Variants in VTI1A observed in about 807,000 individuals in gnomAD.
VTI1A encodes the protein vesicle transport through interaction with t-SNAREs 1A, also known as vesicle transport through interaction with t-SNAREs homolog 1A.
VTI1A carries 22 observed loss-of-function variants against 34.9 expected under a neutral mutation model. The ratio of observed to expected loss-of-function variants is 0.63; its 90% confidence interval spans 0.45 to 0.90. VTI1A has a LOEUF of 0.90. Ranked by LOEUF, VTI1A falls within the 40% of genes least tolerant of loss-of-function variation. The pLI is 0.00. For synonymous variants in VTI1A, 87 were observed against 97.3 expected (o/e 0.89, Z 0.62); for missense variants, 268 against 275.6 (o/e 0.97, Z 0.20).
At chr10:112,567,393 T>C (rs548664274) in intron 5 of VTI1A, among the ~76,000 whole-genome samples, 9 of 152,340 alleles carry the variant, frequency 5.9e-5, no homozygotes, top group African/African-American at 2.2e-4. Context: ...ATAAAGTGAA[T>C]GACAGTTCTT....
At chr10:112,715,568 T>C (rs1474842553) in intron 7 of VTI1A, among the ~76,000 whole-genome samples, 1 of 152,096 alleles carries the variant, frequency 6.6e-6, no homozygotes, top group Non-Finnish European at 1.5e-5. Flanking sequence ...TTCATAAAAA[T>C]ACTGTTTTTC....
At chr10:112,782,022 A>T (rs1049887011) in intron 7 of VTI1A, among the ~76,000 whole-genome samples, 1 of 152,174 alleles carries the variant, frequency 6.6e-6, no homozygotes, top group Non-Finnish European at 1.5e-5. Context: ...TTCGACTGAC[A>T]CAAGTCCCCT....
At chr10:112,598,006 T>C (rs929348959) in intron 5 of VTI1A, among the ~76,000 whole-genome samples, 2 of 152,196 alleles carry the variant, frequency 1.3e-5, no homozygotes, top group Non-Finnish European at 2.9e-5. Flanking sequence ...CAAGAGACCT[T>C]GTCTCTTAAG....
At chr10:112,751,781 A>G (rs1216259379) in intron 7 of VTI1A, among the ~76,000 whole-genome samples, 1 of 152,244 alleles carries the variant, frequency 6.6e-6, no homozygotes, top group Non-Finnish European at 1.5e-5. Context: ...GAAAGGGTCA[A>G]TTTAATGTCG....
intron 2 of VTI1A, among the ~76,000 whole-genome samples, chr10:112,464,133 G>A (rs1251840576): frequency 6.6e-6 from 1 of 152,068 alleles, no homozygotes; most frequent in African/African-American, 2.4e-5. Flanking sequence ...TGAGTAGCTG[G>A]GATTACAGGT....
At chr10:112,808,227 A>C (rs1853155203) in intron 7 of VTI1A, among the ~76,000 whole-genome samples, 1 of 151,922 alleles carries the variant, frequency 6.6e-6, no homozygotes, top group Non-Finnish European at 1.5e-5. Context: ...CTTAAAAATA[A>C]AAAATAAAAA....
intron 5 of VTI1A, among the ~76,000 whole-genome samples, chr10:112,546,759 A>G (rs1280148062): frequency 1.3e-5 from 2 of 152,148 alleles, no homozygotes; most frequent in Non-Finnish European, 1.5e-5. Context: ...CTCTCTGAGT[A>G]AGAATAATAC....
chr10:112,773,987 A>C (rs1564920278), intron 7 of VTI1A, among the ~76,000 whole-genome samples: 1 of 152,194 alleles, frequency 6.6e-6, no homozygotes, highest in Non-Finnish European at 1.5e-5. Context: ...GGAGTCTTCT[A>C]TCCAGCTCCC....
rs1320291837 is a variant in VTI1A at position 112,736,702 on chromosome 10, A to G, written c.560+67704A>G. The G allele has an allele frequency of 3.2e-6, 5 of 1,551,732 alleles. No individual in the cohort carries two copies. The East Asian group carries it at 9.8e-5, about 30-fold the overall frequency. On this transcript the variant is annotated intron_variant, in intron 7 of 7. Transcript: ENST00000393077. ...GGATGGTGAGAAATGCTACATAAGGATTTCTCTTCACTGTTCACAGGGGTT... is the reference window on the plus strand; with the variant it reads ...GGATGGTGAGAAATGCTACATAAGGGTTTCTCTTCACTGTTCACAGGGGTT...
At chr10:112,688,262 T>C (rs939539909) in intron 7 of VTI1A, among the ~76,000 whole-genome samples, 2 of 152,058 alleles carry the variant, frequency 1.3e-5, no homozygotes, top group Middle Eastern at 3.4e-3. Context: ...CCAAGTCTTT[T>C]TCTTCTCATT....
intron 5 of VTI1A, among the ~76,000 whole-genome samples, chr10:112,566,101 C>T (rs1337833377): frequency 6.6e-6 from 1 of 151,944 alleles, no homozygotes; most frequent in Non-Finnish European, 1.5e-5. Flanking sequence ...ACATTAAAAT[C>T]TAGCTATTTA....
intron 3 of VTI1A, among the ~76,000 whole-genome samples, chr10:112,472,381 G>A (rs1848121341): frequency 6.6e-6 from 1 of 152,142 alleles, no homozygotes; most frequent in African/African-American, 2.4e-5. Flanking sequence ...CCAACTACCT[G>A]CAGACTATCG....
intron 3 of VTI1A, among the ~76,000 whole-genome samples, chr10:112,478,327 A>G (rs1251889481): frequency 2.0e-5 from 3 of 152,166 alleles, no homozygotes; most frequent in Non-Finnish European, 1.5e-5. Flanking sequence ...TCTAATACCA[A>G]CTCTGCCCAC....
At chr10:112,819,935 A>G (rs772625776), downstream of VTI1A, among the ~76,000 whole-genome samples, 53 of 152,220 alleles carry the variant, frequency 3.5e-4, no homozygotes, top group Non-Finnish European at 6.5e-4. Context: ...CAGAGGGACC[A>G]GGCCCCTTAT....
At chr10:112,560,398 G>GACTA (rs1391919302) in intron 5 of VTI1A, among the ~76,000 whole-genome samples, 2 of 151,996 alleles carry the variant, frequency 1.3e-5, no homozygotes, top group African/African-American at 4.8e-5. Flanking sequence ...CTTCAAAGAA[G>GACTA]ACTACCCTGA....
rs186242437 is a variant in VTI1A, at chr10:112,765,056, C to G, written c.561-50234C>G. 2.0e-5 allele frequency among the ~76,000 whole-genome samples: 3 copies of G among 152,314 alleles called. No homozygotes were observed. The East Asian group carries it at 5.8e-4, about 29-fold the overall frequency. On this transcript the variant is annotated intron_variant, in intron 7 of 7. Transcript: ENST00000393077. ...CATGTCCTGGTTGGATATTATAATTCCCTTTCATCTTTGCTAACTTGAGAA... is the reference window on the plus strand; with the variant it reads ...CATGTCCTGGTTGGATATTATAATTGCCTTTCATCTTTGCTAACTTGAGAA...
chr10:112,795,222 A>G (rs1852628839), intron 7 of VTI1A, among the ~76,000 whole-genome samples: 1 of 152,124 alleles, frequency 6.6e-6, no homozygotes, highest in Non-Finnish European at 1.5e-5. Context: ...TTTTCCACCA[A>G]CTAGCTGTGT....
chr10:112,662,396 T>G (rs1847493823), intron 5 of VTI1A, among the ~76,000 whole-genome samples: 1 of 152,218 alleles, frequency 6.6e-6, no homozygotes, highest in Non-Finnish European at 1.5e-5. Flanking sequence ...ATTAACTATG[T>G]TCATGTTCAG....
At chr10:112,813,257 G>T (rs1412710707) in intron 7 of VTI1A, among the ~76,000 whole-genome samples, 2 of 152,220 alleles carry the variant, frequency 1.3e-5, no homozygotes, top group African/African-American at 4.8e-5. Flanking sequence ...TTCTTACCAT[G>T]CCTCAGATTG....
Sources: allele counts gnomAD v4.1 joint callset (sites outside exome capture counted in the v4.1 genomes callset), GRCh38; gene constraint gnomAD v4.1.1; transcripts MANE v1.5; gene names NCBI Gene and HGNC (gene_info 2026-07-23, HGNC 2026-07-21).